Variants in GPHN observed in about 807,000 individuals in gnomAD.
The protein encoded by GPHN is gephyrin.
GPHN carries 17 observed loss-of-function variants against 95.5 expected under a neutral mutation model. The observed-to-expected ratio is 0.18, with a 90% CI of 0.12 to 0.27. GPHN has a LOEUF of 0.27. Among genes scored for constraint, GPHN ranks in the 10% least tolerant of loss-of-function variants. GPHN has a pLI of 1.00. For synonymous variants in GPHN, 320 were observed against 322.5 expected (o/e 0.99, Z 0.08); for missense variants, 660 against 978.1 (o/e 0.67, Z 4.34).
At chr14:67,459,836 A>T in the GPHN span, among the ~76,000 whole-genome samples, 4 of 152,250 alleles carry the variant, frequency 2.6e-5, no homozygotes, top group Non-Finnish European at 5.9e-5. Flanking sequence ...GGCTCAAGGG[A>T]CAGGTGATTT....
intron 2 of GPHN, among the ~76,000 whole-genome samples, chr14:66,729,649 A>G (rs1291040378): frequency 6.6e-6 from 1 of 152,242 alleles, no homozygotes; most frequent in African/African-American, 2.4e-5. Context: ...ACATAACATC[A>G]GAGATCATTA....
At chr14:67,496,329 G>GT in the GPHN span, among the ~76,000 whole-genome samples, 1 of 143,594 alleles carries the variant, frequency 7.0e-6, no homozygotes, top group Non-Finnish European at 1.5e-5. Context: ...CTGGGCTCAA[G>GT]TGATCCACCC....
chr14:66,514,100 ATCT>A (rs1186705856), intron 1 of GPHN, among the ~76,000 whole-genome samples: 1 of 152,016 alleles, frequency 6.6e-6, no homozygotes, highest in Non-Finnish European at 1.5e-5. Flanking sequence ...AAGGCTTAGA[ATCT>A]AAGCCACAGG....
intron 4 of GPHN, among the ~76,000 whole-genome samples, chr14:66,862,686 A>G (rs2063074894): frequency 6.6e-6 from 1 of 152,148 alleles, no homozygotes; most frequent in South Asian, 2.1e-4. Flanking sequence ...GGTTCAACCT[A>G]CATCATACAT....
intron 9 of GPHN, among the ~76,000 whole-genome samples, chr14:66,990,799 TATC>T (rs1247481476): frequency 2.0e-5 from 3 of 151,924 alleles, no homozygotes; most frequent in Non-Finnish European, 4.4e-5. Flanking sequence ...GAATTTAAGA[TATC>T]ATTCAGAAGT....
the GPHN span, among the ~76,000 whole-genome samples, chr14:67,689,234 C>T: frequency 6.6e-6 from 1 of 152,236 alleles, no homozygotes; most frequent in African/African-American, 2.4e-5. Context: ...CTTCCCATCT[C>T]ACAGATGTTC....
chr14:67,657,598 GCACACA>G, the GPHN span, among the ~76,000 whole-genome samples: 4,541 of 112,398 alleles, frequency 0.04, 114 homozygotes, highest in Admixed American at 0.11. Flanking sequence ...GCGCGCGCGT[GCACACA>G]CACACACACA....
At chr14:67,092,825 A>T (rs1350158243) in intron 12 of GPHN, among the ~76,000 whole-genome samples, 1 of 152,166 alleles carries the variant, frequency 6.6e-6, no homozygotes, top group Non-Finnish European at 1.5e-5. Flanking sequence ...TGGCATATTT[A>T]CAATTTGAAT....
chr14:67,157,142 A>G (rs1441413405), intron 18 of GPHN, among the ~76,000 whole-genome samples: 2 of 150,734 alleles, frequency 1.3e-5, no homozygotes, highest in Admixed American at 6.6e-5. Context: ...TGAAAAAGTT[A>G]CAATGAAATA....
chr14:66,847,920 A>G (rs1307695200), intron 4 of GPHN, among the ~76,000 whole-genome samples: 2 of 152,080 alleles, frequency 1.3e-5, no homozygotes, highest in Non-Finnish European at 2.9e-5. Flanking sequence ...TCATGGCACA[A>G]GAGATCAGGT....
the GPHN span, chr14:67,593,684 C>G: frequency 3.1e-6 from 3 of 958,386 alleles, no homozygotes; most frequent in East Asian, 7.2e-5. Context: ...CTGGGAACAT[C>G]CCATGGGCTG....
At chr14:67,250,667 G>C in the GPHN span, among the ~76,000 whole-genome samples, 1 of 152,208 alleles carries the variant, frequency 6.6e-6, no homozygotes, top group Non-Finnish European at 1.5e-5. Flanking sequence ...CTCTGATCCA[G>C]GTGATTCATC....
rs546184321 is a variant in GPHN at position 66,603,121 on chromosome 14, G to A, written c.65-77986G>A. Among the ~76,000 whole-genome samples the A allele has an allele frequency of 2.0e-5, 3 of 151,850 alleles. No individual in the cohort carries two copies. In the South Asian group the frequency reaches 6.2e-4, roughly 32 times the overall value. On this transcript the variant is annotated intron_variant, in intron 1 of 22. Transcript: ENST00000478722. ...ACATGGGATCATATTTGGAGTCTTG[G>A]TGTCTATGAAATCCTCCTGGTACAA...
intron 9 of GPHN, among the ~76,000 whole-genome samples, chr14:66,992,851 A>C (rs764630928): frequency 4.6e-5 from 7 of 152,146 alleles, no homozygotes; most frequent in Non-Finnish European, 8.8e-5. Flanking sequence ...TTTAAAAATA[A>C]TGTTTTATTA....
At chr14:67,692,205 T>C in the GPHN span, 1 of 472,524 alleles carries the variant, frequency 2.1e-6, no homozygotes, top group Non-Finnish European at 3.7e-6. Flanking sequence ...ATGAGATTTC[T>C]GGCTTCAGCT....
the GPHN span, chr14:67,590,258 T>TC: frequency 8.6e-7 from 1 of 1,169,474 alleles, no homozygotes; most frequent in East Asian, 2.7e-5. Context: ...AATTTTTTTT[T>TC]TTTTTTTTTT....
chr14:67,573,149 G>C, the GPHN span: 2 of 641,822 alleles, frequency 3.1e-6, no homozygotes, highest in South Asian at 3.6e-5. The surrounding 1 kb of genome is among the most constrained non-coding windows in gnomAD (Gnocchi z 4.8). Flanking sequence ...ACACTGAGTA[G>C]GTACTCAATA....
At chr14:66,706,911 C>T (rs868789280) in intron 2 of GPHN, among the ~76,000 whole-genome samples, 17 of 152,258 alleles carry the variant, frequency 1.1e-4, no homozygotes, top group South Asian at 2.1e-4. Flanking sequence ...GCAATCTACA[C>T]ATCTGACAAA....
chr14:66,596,427 G>T (rs1404647337), intron 1 of GPHN, among the ~76,000 whole-genome samples: 1 of 152,022 alleles, frequency 6.6e-6, no homozygotes, highest in Admixed American at 6.5e-5. Flanking sequence ...GGTGCCCATG[G>T]TGCCCAGGCT....
Sources: gnomAD v4.1 joint callset for allele counts (sites outside exome capture counted in the v4.1 genomes callset) on GRCh38, gnomAD v4.1.1 for gene constraint, Gnocchi (gnomAD v3.1) non-coding constraint, MANE v1.5 for transcripts, NCBI Gene and HGNC (gene_info 2026-07-23, HGNC 2026-07-21) for gene names.